The following SPAG17 variants were observed in gnomAD, a reference collection of about 807,000 sequenced individuals.
SPAG17 encodes the protein sperm-associated antigen 17.
In SPAG17, 169 loss-of-function variants were observed where a neutral mutation model predicts 273.6. The observed-to-expected ratio is 0.62, with a 90% confidence interval of 0.55 to 0.70. The LOEUF (loss-of-function observed/expected upper bound fraction) is 0.70. Ranked by LOEUF, SPAG17 falls within the 30% of genes least tolerant of loss-of-function variation. The pLI is 0.00. For synonymous variants in SPAG17, 825 were observed against 873.2 expected, an observed-to-expected ratio of 0.94 and a Z score of 0.97; for missense variants, 2,557 against 2,627.8, an observed-to-expected ratio of 0.97 and a Z score of 0.59.
chr1:118,008,304 T>A (rs891271393), intron 30 of SPAG17, 106 bp from the exon 31 acceptor site: 27 of 1,305,648 alleles, frequency 2.1e-5, no homozygotes, highest in Non-Finnish European at 2.8e-5. Flanking sequence ...GGATTCCCCA[T>A]GGAAAAAACA....
rs1245710794 is a variant in SPAG17, at chr1:118,016,193, C to G, written c.4070-11G>C. 1.3e-6 allele frequency: 2 copies of G among 1,598,030 alleles called. No individual in the cohort carries two copies. Among genetic ancestry groups the G allele is most frequent in the Admixed American group, 3.4e-5 (2 of 59,686 alleles). ...TTTTGTGACTTTTTCCTGTGAAGTT[C>G]AAGTAAAATCAAACAACAACAATAT... On this transcript the variant is annotated splice_polypyrimidine_tract_variant and intron_variant, in intron 28 of 48. Coordinates refer to ENST00000336338, the MANE Select transcript of SPAG17 (RefSeq NM_206996.4).
intron 20 of SPAG17, 104 bp from the exon 21 acceptor site, chr1:118,042,146 A>G: frequency 7.4e-7 from 1 of 1,345,684 alleles, no homozygotes; most frequent in Non-Finnish European, 1.0e-6. Flanking sequence ...TTGTTAGTGT[A>G]TCTCTGACAA....
At chr1:118,153,537 G>A (rs1031576797) in intron 1 of SPAG17, among the ~76,000 whole-genome samples, 10 of 152,144 alleles carry the variant, frequency 6.6e-5, no homozygotes, top group Non-Finnish European at 1.5e-4. Flanking sequence ...ATGTATACAT[G>A]TGTATAGGCC....
chr1:117,970,769 C>T (rs906544954), intron 45 of SPAG17, among the ~76,000 whole-genome samples: 3 of 152,172 alleles, frequency 2.0e-5, no homozygotes, highest in East Asian at 1.9e-4. Flanking sequence ...TCTGCTCTAT[C>T]GTGGCTGAAT....
At chr1:118,114,090 T>A (rs537150318) in intron 4 of SPAG17, among the ~76,000 whole-genome samples, 78 of 152,248 alleles carry the variant, frequency 5.1e-4, no homozygotes, top group Non-Finnish European at 1.0e-3. Flanking sequence ...CAGATTCCCA[T>A]ATGGCATTGG....
intron 28 of SPAG17, among the ~76,000 whole-genome samples, chr1:118,020,622 A>G (rs1660409994): frequency 6.6e-6 from 1 of 152,162 alleles, no homozygotes. Flanking sequence ...TAATGATTAA[A>G]TTATAAGGAA....
chr1:118,117,020 TTACTG>T (rs1657126196), intron 3 of SPAG17, among the ~76,000 whole-genome samples: 1 of 152,216 alleles, frequency 6.6e-6, no homozygotes, highest in Non-Finnish European at 1.5e-5. Context: ...GGTCAGGCGT[TTACTG>T]TAAAGTGAAA....
At chr1:118,061,811 T>A (rs750164013) in intron 18 of SPAG17, among the ~76,000 whole-genome samples, 20 of 152,158 alleles carry the variant, frequency 1.3e-4, no homozygotes, top group Non-Finnish European at 2.1e-4. Flanking sequence ...AAAATACTTA[T>A]CACGATTTCT....
Position 118,040,750 on chromosome 1 carries a change from T to A in SPAG17, c.3146A>T (p.Glu1049Val), listed in dbSNP as rs1411526789. The change falls in exon 22 of 49, where the codon GAA becomes GTA. Residue 1049 changes from glutamate (E) to valine (V), a missense_variant. By Grantham distance (121) the Glu-to-Val change is moderately radical. Transcript: ENST00000336338. Reference sequence around the variant, plus strand: ...TGTACCTTTTTCAAACATTGTCTTTTCCACTTCAATCTGCCCCCCATCAGA... The same window carrying A: ...TGTACCTTTTTCAAACATTGTCTTTACCACTTCAATCTGCCCCCCATCAGA... ...YPSDGGQIEVEKTMFEKGPTF... is the reference protein window; with the variant it reads ...YPSDGGQIEVVKTMFEKGPTF... 1 of 1,599,238 alleles carries A rather than the reference T, an allele frequency of 6.3e-7. No homozygotes were observed. The highest frequency in any genetic ancestry group is 1.7e-5 in the Admixed American group (1 of 59,974).
intron 48 of SPAG17, chr1:117,961,650 C>T (rs1653117640): frequency 6.6e-6 from 1 of 152,126 alleles, no homozygotes; most frequent in African/African-American, 2.4e-5. Context: ...GATATGCAGT[C>T]CTTGTGGCTT....
chr1:117,987,707 G>T, intron 40 of SPAG17, 127 bp downstream of exon 40: 3 of 899,882 alleles, frequency 3.3e-6, no homozygotes, highest in African/African-American at 1.7e-5. Flanking sequence ...TGACCACTTG[G>T]TAGACATGTT....
At chr1:117,960,553 C>T (rs890805931) in intron 48 of SPAG17, 2 of 152,228 alleles carry the variant, frequency 1.3e-5, no homozygotes, top group Non-Finnish European at 1.5e-5. Flanking sequence ...TGACTTTTCT[C>T]TGCTTTTTGG....
In SPAG17 at chr1:118,008,142, G is replaced by C; in HGVS notation, c.4489C>G (p.Arg1497Gly). The C allele has an allele frequency of 6.2e-7, 1 of 1,614,002 alleles. No homozygotes were observed. The change falls in exon 31 of 49, where the codon CGC (arginine) becomes GGC (glycine). Residue 1497 changes from arginine to glycine, a missense_variant. Arg to Gly is a moderately radical substitution (Grantham distance 125). Transcript: ENST00000336338. ...QVKCMRVESS[R>G]YATVIANCED... is the part of the protein sequence containing the mutation. ...CAGTTGGCGATAACAGTGGCATAGC[G>C]TGAGCTTTCTACCCGCATACACTTC... is the stretch of plus-strand genomic sequence containing the variant.
rs543241232 is a variant in SPAG17, at chr1:118,185,117, C to A, written c.41G>T (p.Ser14Ile). The change falls in exon 1 of 49, where the codon AGT (serine) becomes ATT (isoleucine). Residue 14 changes from serine (S) to isoleucine (I), a missense_variant. Physicochemically the swap from Ser to Ile is moderately radical, Grantham distance 142 (BLOSUM62 -2). Transcript: ENST00000336338. Reference protein sequence around the residue: ...KKEKGGTVNTSSKIWEPSLIA... With the variant: ...KKEKGGTVNTISKIWEPSLIA... Reference sequence around the variant, plus strand: ...GAGCGAGGGTTCCCATATCTTAGAACTGGTGTTCACAGTTCCTCCTTTCTC... The same window carrying A: ...GAGCGAGGGTTCCCATATCTTAGAAATGGTGTTCACAGTTCCTCCTTTCTC... The A allele has an allele frequency of 8.7e-6, 14 of 1,614,218 alleles. 1 individual carries two copies. In the South Asian group the frequency reaches 1.4e-4, roughly 16 times the overall value.
At chr1:118,156,920 T>C (rs1207329638) in intron 1 of SPAG17, among the ~76,000 whole-genome samples, 2 of 152,064 alleles carry the variant, frequency 1.3e-5, no homozygotes, top group Non-Finnish European at 2.9e-5. Flanking sequence ...TGCTGTCATG[T>C]TCCATAATCT....
chr1:118,111,033 G>T (rs1656725633), intron 4 of SPAG17, among the ~76,000 whole-genome samples: 1 of 152,096 alleles, frequency 6.6e-6, no homozygotes, highest in Non-Finnish European at 1.5e-5. Flanking sequence ...TCATTTAAAA[G>T]ATTAAATGAT....
chr1:118,099,084 CAAGGCT>C, intron 6 of SPAG17, among the ~76,000 whole-genome samples: 1 of 152,212 alleles, frequency 6.6e-6, no homozygotes, highest in East Asian at 1.9e-4. Context: ...ATGAAGACCT[CAAGGCT>C]CAAAATGGCT....
chr1:118,074,724 AG>A, intron 15 of SPAG17, 124 bp from the exon 16 acceptor site: 1 of 849,946 alleles, frequency 1.2e-6, no homozygotes, highest in Non-Finnish European at 1.9e-6. Flanking sequence ...AATGCCTGAA[AG>A]GCATGTTTTG....
chr1:118,078,592 G>C (rs933606756), intron 15 of SPAG17, among the ~76,000 whole-genome samples: 2 of 152,058 alleles, frequency 1.3e-5, no homozygotes, highest in Admixed American at 1.3e-4. Flanking sequence ...AAAAAGTCTT[G>C]CTTGTTGGCA....
Sources: allele counts gnomAD v4.1 joint callset (sites outside exome capture counted in the v4.1 genomes callset), GRCh38; gene constraint gnomAD v4.1.1; transcripts MANE v1.5; gene names NCBI Gene and HGNC (gene_info 2026-07-23, HGNC 2026-07-21).